Variants in SND1 observed in about 807,000 individuals in gnomAD.
The protein encoded by SND1 is staphylococcal nuclease and tudor domain containing 1.
In SND1, 38 loss-of-function variants were observed where a neutral mutation model predicts 121.7. The ratio of observed to expected loss-of-function variants is 0.31; its 90% CI spans 0.24 to 0.41. SND1 has a LOEUF of 0.41. Among genes scored for constraint, SND1 ranks in the 10% least tolerant of loss-of-function variants. The pLI, the probability that SND1 is intolerant of heterozygous loss-of-function variation, is 1.00. For missense variants in SND1, 868 were observed against 1,184.6 expected (o/e 0.73, Z 3.92); for synonymous variants, 401 against 447.4 (o/e 0.90, Z 1.31).
chr7:127,895,457 A>G (rs1187899149), intron 13 of SND1, among the ~76,000 whole-genome samples: 1 of 151,992 alleles, frequency 6.6e-6, no homozygotes, highest in African/African-American at 2.4e-5. Context: ...AAATGTCCTA[A>G]TGGCTTCCGT....
At chr7:127,949,799 C>T (rs1563067747) in intron 15 of SND1, among the ~76,000 whole-genome samples, 1 of 152,204 alleles carries the variant, frequency 6.6e-6, no homozygotes, top group Non-Finnish European at 1.5e-5. Context: ...AAGGTGCTTC[C>T]CTCAGCCTTT....
At chr7:127,834,585 G>T (rs1016646679) in intron 11 of SND1, among the ~76,000 whole-genome samples, 1 of 152,144 alleles carries the variant, frequency 6.6e-6, no homozygotes, top group African/African-American at 2.4e-5. Context: ...CATTTAGTAG[G>T]CCTCTACTTT....
intron 9 of SND1, among the ~76,000 whole-genome samples, chr7:127,720,414 A>AT (rs1796471863): frequency 6.6e-6 from 1 of 152,214 alleles, no homozygotes; most frequent in Non-Finnish European, 1.5e-5. Flanking sequence ...AGAAAAAAAA[A>AT]GGCATTGAAT....
chr7:127,961,217 T>C (rs187768645), intron 15 of SND1, among the ~76,000 whole-genome samples: 1 of 152,362 alleles, frequency 6.6e-6, no homozygotes, highest in East Asian at 1.9e-4. Flanking sequence ...CTTCACAAAA[T>C]TAAAACTACA....
At chr7:128,028,676 G>C in intron 16 of SND1, 1 of 1,601,396 alleles carries the variant, frequency 6.2e-7, no homozygotes, top group Non-Finnish European at 8.5e-7. Context: ...TGGGGGAGGG[G>C]AGTCATATTT....
At chr7:127,820,009 C>G (rs1171105776) in intron 11 of SND1, among the ~76,000 whole-genome samples, 1 of 152,020 alleles carries the variant, frequency 6.6e-6, no homozygotes, top group Non-Finnish European at 1.5e-5. Context: ...TCTTAATCAC[C>G]CATTATGCCC....
chr7:127,808,397 T>A (rs1313449875), intron 11 of SND1, among the ~76,000 whole-genome samples: 1 of 152,118 alleles, frequency 6.6e-6, no homozygotes, highest in Non-Finnish European at 1.5e-5. Context: ...ACTCCTGACC[T>A]CAAGTGATCC....
At chr7:127,921,993 T>C (rs1000058439) in intron 14 of SND1, among the ~76,000 whole-genome samples, 1 of 152,048 alleles carries the variant, frequency 6.6e-6, no homozygotes, top group African/African-American at 2.4e-5. Flanking sequence ...TTGCTTTGTT[T>C]TTTTTAAAGA....
At chr7:127,774,950 C>T (rs1797587438) in intron 10 of SND1, among the ~76,000 whole-genome samples, 1 of 152,218 alleles carries the variant, frequency 6.6e-6, no homozygotes, top group African/African-American at 2.4e-5. Context: ...CATTGTGTTA[C>T]AGTTGCCTAC....
intron 10 of SND1, among the ~76,000 whole-genome samples, chr7:127,791,249 A>G (rs114271339): frequency 1.2e-3 from 184 of 150,840 alleles, no homozygotes; most frequent in African/African-American, 4.2e-3. Context: ...CCTGGACTCA[A>G]GCAGTTCTCC....
At chr7:127,977,437 T>A (rs1396362410) in intron 15 of SND1, among the ~76,000 whole-genome samples, 1 of 152,134 alleles carries the variant, frequency 6.6e-6, no homozygotes, top group Admixed American at 6.5e-5. Context: ...CCGAAGGAAT[T>A]GGACCAGATC....
chr7:128,040,014 C>A (rs1206591600), intron 16 of SND1, among the ~76,000 whole-genome samples: 1 of 152,118 alleles, frequency 6.6e-6, no homozygotes, highest in Non-Finnish European at 1.5e-5. Context: ...TTCTGGTCCC[C>A]TTTGTCTAGG....
At chr7:127,975,424 C>CGTGTGTGTGT (rs66757341) in intron 15 of SND1, among the ~76,000 whole-genome samples, 1 of 147,454 alleles carries the variant, frequency 6.8e-6, no homozygotes, top group South Asian at 2.2e-4. Flanking sequence ...TGACTCCCCT[C>CGTGTGTGTGT]GTGTGTGTGT....
At chr7:127,892,959 C>A (rs1800038351) in intron 13 of SND1, among the ~76,000 whole-genome samples, 1 of 152,094 alleles carries the variant, frequency 6.6e-6, no homozygotes, top group Non-Finnish European at 1.5e-5. Flanking sequence ...GACTTTCCAG[C>A]ATTTCCAGTT....
chr7:127,918,785 A>G (rs1431082941), intron 14 of SND1, among the ~76,000 whole-genome samples: 1 of 152,180 alleles, frequency 6.6e-6, no homozygotes, highest in African/African-American at 2.4e-5. Flanking sequence ...CACAGTCTAT[A>G]ATTATTTTCT....
At chr7:127,801,738 G>T (rs754748941) in intron 10 of SND1, among the ~76,000 whole-genome samples, 3 of 152,092 alleles carry the variant, frequency 2.0e-5, no homozygotes, top group Non-Finnish European at 2.9e-5. Flanking sequence ...TAGTCTCTTC[G>T]TACTCCTTCA....
At chr7:127,954,411 T>G (rs1563069407) in intron 15 of SND1, among the ~76,000 whole-genome samples, 1 of 152,106 alleles carries the variant, frequency 6.6e-6, no homozygotes, top group Non-Finnish European at 1.5e-5. Flanking sequence ...TTTGCTTGAG[T>G]TGTGCTTCTC....
intron 9 of SND1, among the ~76,000 whole-genome samples, chr7:127,712,739 C>T (rs1362445469): frequency 6.6e-6 from 1 of 152,166 alleles, no homozygotes; most frequent in East Asian, 1.9e-4. Context: ...TCATTATCTT[C>T]TTCCTTTTGG....
intron 14 of SND1, among the ~76,000 whole-genome samples, chr7:127,912,233 G>T (rs1800473938): frequency 6.6e-6 from 1 of 152,142 alleles, no homozygotes; most frequent in Non-Finnish European, 1.5e-5. Context: ...AAATAAATTT[G>T]AAAGCATTTT....
Sources: allele counts gnomAD v4.1 joint callset (sites outside exome capture counted in the v4.1 genomes callset), GRCh38; gene constraint gnomAD v4.1.1; transcripts MANE v1.5; gene names NCBI Gene and HGNC (gene_info 2026-07-23, HGNC 2026-07-21).